Variants in GPHN observed in about 807,000 individuals in gnomAD.
GPHN encodes gephyrin.
A neutral mutation model predicts 95.5 loss-of-function variants in GPHN; 17 were observed. The ratio of observed to expected loss-of-function variants is 0.18; its 90% CI spans 0.12 to 0.27. The LOEUF is 0.27. Ranked by LOEUF, GPHN falls within the 10% of genes least tolerant of loss-of-function variation. The pLI, the probability that GPHN is intolerant of heterozygous loss-of-function variation, is 1.00. For missense variants in GPHN, 660 were observed against 978.1 expected (o/e 0.67, Z 4.34); for synonymous variants, 320 against 322.5 (o/e 0.99, Z 0.08).
the GPHN span, chr14:67,695,814 C>T: frequency 5.3e-5 from 53 of 1,004,820 alleles, no homozygotes; most frequent in East Asian, 1.1e-3. Context: ...GGGGAGCAGA[C>T]CTTCTGGGAA....
chr14:67,623,567 G>T, the GPHN span, among the ~76,000 whole-genome samples: 1 of 124,392 alleles, frequency 8.0e-6, no homozygotes, highest in Non-Finnish European at 1.6e-5. Flanking sequence ...TTTTGAGACG[G>T]AGTCTCGCTC....
At chr14:66,864,674 G>A (rs2063160610) in intron 4 of GPHN, among the ~76,000 whole-genome samples, 1 of 152,118 alleles carries the variant, frequency 6.6e-6, no homozygotes, top group South Asian at 2.1e-4. Flanking sequence ...TCGGGAGGCT[G>A]AGACAGGAGA....
chr14:67,486,533 A>T, the GPHN span, among the ~76,000 whole-genome samples: 1 of 152,262 alleles, frequency 6.6e-6, no homozygotes, highest in African/African-American at 2.4e-5. Context: ...TCGGCCTCCC[A>T]AAGTGCTGGG....
chr14:67,453,504 T>C, the GPHN span, among the ~76,000 whole-genome samples: 1 of 152,234 alleles, frequency 6.6e-6, no homozygotes, highest in Non-Finnish European at 1.5e-5. Flanking sequence ...TCCTTAGGTC[T>C]GGCTGTCGCC....
At chr14:67,163,148 T>C (rs895232793) in intron 19 of GPHN, among the ~76,000 whole-genome samples, 2 of 151,334 alleles carry the variant, frequency 1.3e-5, no homozygotes, top group Non-Finnish European at 3.0e-5. Context: ...CTATTAAAAA[T>C]AAAAAAAATT....
the GPHN span, chr14:67,725,024 TC>T: frequency 8.5e-6 from 13 of 1,521,886 alleles, no homozygotes; most frequent in Non-Finnish European, 1.2e-5. Context: ...TGTCCCCCAG[TC>T]CCAAGCTCAC....
At chr14:66,860,140 A>G (rs2062968453) in intron 4 of GPHN, among the ~76,000 whole-genome samples, 3 of 152,180 alleles carry the variant, frequency 2.0e-5, no homozygotes, top group Non-Finnish European at 2.9e-5. Flanking sequence ...AACACTAAGC[A>G]GATTTAACTC....
At chr14:67,198,213 C>G in the GPHN span, 2 of 1,613,902 alleles carry the variant, frequency 1.2e-6, no homozygotes, top group South Asian at 2.2e-5. Flanking sequence ...GCAAGATGCT[C>G]TCTGCACCCC....
intron 4 of GPHN, among the ~76,000 whole-genome samples, chr14:66,833,180 A>G (rs752692486): frequency 9.9e-5 from 15 of 152,180 alleles, no homozygotes; most frequent in Non-Finnish European, 1.8e-4. Context: ...ACAGTTCAGC[A>G]GGGTGTGGTA....
intron 1 of GPHN, among the ~76,000 whole-genome samples, chr14:66,579,768 A>G (rs562311291): frequency 1.4e-4 from 22 of 151,968 alleles, no homozygotes; most frequent in Middle Eastern, 3.4e-3. Context: ...TAGGACTTCA[A>G]TATTTCACAT....
the GPHN span, among the ~76,000 whole-genome samples, chr14:67,273,163 A>G: frequency 4.0e-5 from 6 of 151,570 alleles, no homozygotes; most frequent in African/African-American, 1.5e-4. Flanking sequence ...CATGTGCACA[A>G]CGTGCAGGTT....
the GPHN span, among the ~76,000 whole-genome samples, chr14:67,567,639 T>C: frequency 0.019 from 2,882 of 152,048 alleles, 93 homozygotes; most frequent in African/African-American, 0.065. Flanking sequence ...GATCTCAGCG[T>C]CTCATGGCAG....
At chr14:67,379,498 T>C in the GPHN span, among the ~76,000 whole-genome samples, 1 of 152,182 alleles carries the variant, frequency 6.6e-6, no homozygotes, top group South Asian at 2.1e-4. Flanking sequence ...ACATTTATGT[T>C]GGTTGTCTTC....
chr14:67,416,022 T>C, the GPHN span, among the ~76,000 whole-genome samples: 1 of 152,112 alleles, frequency 6.6e-6, no homozygotes, highest in South Asian at 2.1e-4. Flanking sequence ...AGCTAGTGCA[T>C]GTTGGGCTTA....
At chr14:67,193,008 A>G in the GPHN span, among the ~76,000 whole-genome samples, 2 of 146,250 alleles carry the variant, frequency 1.4e-5, no homozygotes, top group Non-Finnish European at 3.0e-5. Context: ...CTATATATCA[A>G]TATCTAGATA....
At chr14:67,126,019 A>G (rs997465334) in intron 17 of GPHN, among the ~76,000 whole-genome samples, 2 of 152,202 alleles carry the variant, frequency 1.3e-5, no homozygotes, top group African/African-American at 4.8e-5. Flanking sequence ...TTTGCTTACT[A>G]TACCTTTTAT....
At chr14:66,531,203 C>T (rs1385733957) in intron 1 of GPHN, among the ~76,000 whole-genome samples, 1 of 152,104 alleles carries the variant, frequency 6.6e-6, no homozygotes, top group Non-Finnish European at 1.5e-5. Flanking sequence ...GCCTTAGCCC[C>T]CCAAAGTGCT....
chr14:66,797,021 C>CTTTTTTTTTTTT lies in GPHN; in HGVS notation c.201+20510_201+20521dup, dbSNP rs369681377. ...ATGGTGAGACATAGGTATCTAGTTC[C>CTTTTTTTTTTTT]TTTTTTTTTTTTTTTTTTTTTGCAT... On this transcript the variant is annotated intron_variant, in intron 3 of 22. Transcript: ENST00000478722. Among the ~76,000 whole-genome samples, 165 of 81,214 alleles carry CTTTTTTTTTTTT rather than the reference C, an allele frequency of 2.0e-3. 8 individuals carry two copies. Among genetic ancestry groups the CTTTTTTTTTTTT allele is most frequent in the Non-Finnish European group, 3.2e-3 (125 of 38,510 alleles). 53.3% of individuals were successfully genotyped at this position (81,214 alleles called of 152,430 possible).
At chr14:67,119,684 G>A (rs758815829) in intron 16 of GPHN, among the ~76,000 whole-genome samples, 6 of 152,146 alleles carry the variant, frequency 3.9e-5, no homozygotes, top group Non-Finnish European at 7.4e-5. Context: ...CAGCTACTCG[G>A]GAGGCTGAGG....
Sources: gnomAD v4.1 joint callset for allele counts (sites outside exome capture counted in the v4.1 genomes callset) on GRCh38, gnomAD v4.1.1 for gene constraint, MANE v1.5 for transcripts, NCBI Gene and HGNC (gene_info 2026-07-23, HGNC 2026-07-21) for gene names.